Variants in CEP72 observed in about 807,000 individuals in gnomAD.
CEP72 encodes the protein centrosomal protein of 72 kDa.
In CEP72, 78 loss-of-function variants were observed where a neutral mutation model predicts 65.7. The observed-to-expected ratio is 1.19, with a 90% CI of 0.99 to 1.43. The LOEUF (loss-of-function observed/expected upper bound fraction) is 1.43, where lower values mean the gene tolerates loss of function less well. Among genes scored for constraint, CEP72 ranks in the 40% most tolerant of loss-of-function variants. The probability of loss-of-function intolerance (pLI) is 0.00; values close to 1 mark genes in which losing one functional copy is unlikely to be tolerated. For missense variants in CEP72, 914 were observed against 832.9 expected, an observed-to-expected ratio of 1.10 and a Z score of -1.20; for synonymous variants, 358 against 351.7, an observed-to-expected ratio of 1.02 and a Z score of -0.20.
intron 1 of CEP72, among the ~76,000 whole-genome samples, chr5:616,428 T>C (rs1425030770): frequency 6.6e-6 from 1 of 152,234 alleles, no homozygotes; most frequent in African/African-American, 2.4e-5. Context: ...TTAAAATCCT[T>C]GTTAGACCTA....
chr5:675,874 C>T, the CEP72 span: 1 of 152,166 alleles, frequency 6.6e-6, no homozygotes, highest in Admixed American at 6.5e-5. Flanking sequence ...AGCCTCCTCT[C>T]ACACCGGCCA....
chr5:642,113 C>T (rs564744838), intron 9 of CEP72: 14 of 976,158 alleles, frequency 1.4e-5, no homozygotes, highest in East Asian at 1.2e-4. Flanking sequence ...TTTAAACACA[C>T]GTGGTCCCCC....
downstream of CEP72, among the ~76,000 whole-genome samples, chr5:654,280 C>CTG (rs72464229): frequency 2.1e-5 from 3 of 145,078 alleles, no homozygotes; most frequent in African/African-American, 5.1e-5. Flanking sequence ...TGTGCGCTTG[C>CTG]TGTGTGTGTG....
intron 1 of CEP72, chr5:662,992 T>A (rs1465591517): frequency 6.6e-6 from 1 of 150,826 alleles, no homozygotes. Flanking sequence ...ACTGCTCGTC[T>A]GTGATCGGGC....
In CEP72 at chr5:653,183, A is replaced by G; in HGVS notation, c.*30A>G. The stretch of plus-strand genomic sequence containing the variant: ...TGCCGAGAAGCTGGGCCACCCCTTA[A>G]GCTTCCTGGTAAAGTTACATTGTCT... On this transcript the variant is annotated 3_prime_UTR_variant, in exon 12 of 12. Coordinates refer to ENST00000264935, the MANE Select transcript of CEP72 (RefSeq NM_018140.4). 2 of 1,557,044 alleles carry G rather than the reference A, an allele frequency of 1.3e-6. No homozygotes were observed. The highest frequency in any genetic ancestry group is 2.4e-5 in the South Asian group (2 of 83,390).
At position 653,478 on chromosome 5, in the gene CEP72, G is replaced by C. The variant is rs983055438; in HGVS notation, c.*325G>C. On this transcript the variant is annotated 3_prime_UTR_variant, in exon 12 of 12. Coordinates refer to ENST00000264935, the MANE Select transcript of CEP72 (RefSeq NM_018140.4). ...ACTGCCTGATGTGAAAGAGAGCTAT[G>C]TATGATAATTAAAGAAAATAATTTT... 2 of 203,082 alleles carry C rather than the reference G, an allele frequency of 9.8e-6. No homozygotes were observed. Among genetic ancestry groups the C allele is most frequent in the African/African-American group, 4.6e-5 (2 of 43,350 alleles). The allele number at this position is 203,082 out of a possible 1,614,324, so 12.6% of individuals were successfully genotyped here. A position where few individuals can be genotyped will look rare whatever the true frequency, so the allele number is the denominator to read the frequency against.
Position 648,688 on chromosome 5 carries a change from C to A in CEP72, c.1778+772C>A, listed in dbSNP as rs945179522. 7.7e-4 allele frequency among the ~76,000 whole-genome samples: 73 copies of A among 94,948 alleles called. 1 individual carries two copies. The highest frequency in any genetic ancestry group is 2.2e-3 in the African/African-American group (57 of 25,794). The allele number at this position is 94,948 out of a possible 152,430, so 62.3% of individuals were successfully genotyped here. A position where few individuals can be genotyped will look rare whatever the true frequency, so the allele number is the denominator to read the frequency against. ...GTGAGGTGTGGACTGTGAGGCGTGA[C>A]TGTGAGGCGTGAATGTGAGGCGTGA... On this transcript the variant is annotated intron_variant, in intron 11 of 11. Coordinates refer to ENST00000264935, the MANE Select transcript of CEP72 (RefSeq NM_018140.4).
intron 10 of CEP72, among the ~76,000 whole-genome samples, chr5:646,064 G>A (rs1275385340): frequency 2.6e-5 from 4 of 152,164 alleles, no homozygotes; most frequent in Non-Finnish European, 1.5e-5. Flanking sequence ...TCGTTACACT[G>A]TGTGAGCGTC....
At chr5:654,148 TGCTG>T (rs1739290240), downstream of CEP72, among the ~76,000 whole-genome samples, 1 of 147,324 alleles carries the variant, frequency 6.8e-6, no homozygotes, top group Non-Finnish European at 1.5e-5. Context: ...TGTGTGCGCT[TGCTG>T]TGTGTGCTCT....
At chr5:649,939 GACTGT>G (rs1738850792) in intron 11 of CEP72, among the ~76,000 whole-genome samples, 6 of 94,148 alleles carry the variant, frequency 6.4e-5, no homozygotes, top group African/African-American at 2.1e-4. Flanking sequence ...TGTGAGGCGT[GACTGT>G]GAGGCGTGAC....
exon 4 of CEP72, chr5:666,066 G>C (rs752217448): frequency 6.2e-7 from 1 of 1,612,322 alleles, no homozygotes; most frequent in East Asian, 2.2e-5. Context: ...GCTTCTTGGC[G>C]AGCTCCTCCA....
At chr5:649,965 G>GGACTGTGAGGTGT (rs1474958872) in intron 11 of CEP72, among the ~76,000 whole-genome samples, 2 of 5,570 alleles carry the variant, frequency 3.6e-4, no homozygotes, top group Non-Finnish European at 3.0e-4. Flanking sequence ...TGTGAGGCGT[G>GGACTGTGAGGTGT]GACTGTGAGG....
intron 8 of CEP72, among the ~76,000 whole-genome samples, chr5:639,530 T>C (rs59094740): frequency 0.024 from 3,701 of 152,316 alleles, 151 homozygotes; most frequent in African/African-American, 0.084. Context: ...CTGATGGCTG[T>C]GATCACATGG....
At chr5:665,387 G>GTGCCCCAC in intron 3 of CEP72, 1 of 1,250,390 alleles carries the variant, frequency 8.0e-7, no homozygotes, top group South Asian at 1.4e-5. Flanking sequence ...AGGTCTCCCA[G>GTGCCCCAC]CGGTGGGGCA....
downstream of CEP72, among the ~76,000 whole-genome samples, chr5:670,794 G>A (rs77015126): frequency 0.13 from 19,133 of 152,256 alleles, 1,507 homozygotes; most frequent in Non-Finnish European, 0.18. Context: ...TCCCGGGGCC[G>A]ACAGAGGTCG....
chr5:649,622 TG>T (rs1187155937), intron 11 of CEP72, among the ~76,000 whole-genome samples: 131 of 71,290 alleles, frequency 1.8e-3, no homozygotes, highest in African/African-American at 7.3e-3. Context: ...CTGTGAGGCG[TG>T]GACTGTGAGG....
chr5:649,381 T>C (rs62650521), intron 11 of CEP72, among the ~76,000 whole-genome samples: 97 of 35,000 alleles, frequency 2.8e-3, no homozygotes, highest in South Asian at 5.7e-3. Context: ...GACTGTGAGG[T>C]GTGACTGTGA....
At chr5:660,583 G>GC (rs571886828), downstream of CEP72, 64 of 152,464 alleles carry the variant, frequency 4.2e-4, no homozygotes, top group African/African-American at 1.5e-3. Context: ...TGGGAGGGTG[G>GC]CCAGTGCACG....
intron 5 of CEP72, 43 bp from the exon 6 acceptor site, chr5:635,329 T>C (rs778249553): frequency 7.0e-7 from 1 of 1,421,510 alleles, no homozygotes; most frequent in South Asian, 1.2e-5. Flanking sequence ...AATAAAACTT[T>C]TACAATGTTT....
Sources: allele counts gnomAD v4.1 joint callset (sites outside exome capture counted in the v4.1 genomes callset), GRCh38; gene constraint gnomAD v4.1.1; transcripts MANE v1.5; gene names NCBI Gene and HGNC (gene_info 2026-07-23, HGNC 2026-07-21).